The following SAMD12 variants were observed in gnomAD, a reference collection of about 807,000 sequenced individuals.
SAMD12 encodes sterile alpha motif domain-containing protein 12.
A neutral mutation model predicts 15.0 loss-of-function variants in SAMD12; 9 were observed. The observed-to-expected ratio is 0.60, with a 90% CI of 0.36 to 1.05. The LOEUF is 1.05. Among genes scored for constraint, SAMD12 ranks in the 50% least tolerant of loss-of-function variants. The pLI, the probability that SAMD12 is intolerant of heterozygous loss-of-function variation, is 0.01. For missense variants in SAMD12, 230 were observed against 234.2 expected (o/e 0.98, Z 0.12); for synonymous variants, 86 against 90.1 (o/e 0.96, Z 0.25).
At chr8:118,367,199 T>C (rs1036901247) in intron 4 of SAMD12, among the ~76,000 whole-genome samples, 1 of 152,088 alleles carries the variant, frequency 6.6e-6, no homozygotes, top group African/African-American at 2.4e-5. Context: ...AATTAGTTAA[T>C]ATGCAATATT....
intron 4 of SAMD12, among the ~76,000 whole-genome samples, chr8:118,200,784 G>A (rs1819693747): frequency 6.6e-6 from 1 of 152,196 alleles, no homozygotes; most frequent in Non-Finnish European, 1.5e-5. Flanking sequence ...TAAGACACGT[G>A]GTGAAAGTAG....
At chr8:118,619,442 G>A (rs1215636169) in intron 1 of SAMD12, among the ~76,000 whole-genome samples, 4 of 137,640 alleles carry the variant, frequency 2.9e-5, no homozygotes, top group Non-Finnish European at 6.1e-5. Flanking sequence ...CCGCGCCACT[G>A]TACTCTAGCC....
intron 4 of SAMD12, among the ~76,000 whole-genome samples, chr8:118,350,069 A>G (rs1390768229): frequency 6.6e-6 from 1 of 152,146 alleles, no homozygotes; most frequent in Non-Finnish European, 1.5e-5. Context: ...TCAAGGCTGC[A>G]AGTGAGCTGT....
intron 3 of SAMD12, among the ~76,000 whole-genome samples, chr8:118,401,122 T>C (rs1395681501): frequency 1.3e-5 from 2 of 152,190 alleles, no homozygotes; most frequent in African/African-American, 2.4e-5. Flanking sequence ...TTGGTTTGGG[T>C]TGTATTTTCC....
exon 5 of SAMD12, chr8:118,193,711 T>C (rs1819473770): frequency 1.3e-5 from 2 of 152,164 alleles, no homozygotes; most frequent in South Asian, 4.1e-4. Context: ...TGTTGAGTTC[T>C]TTATAGAATT....
intron 2 of SAMD12, among the ~76,000 whole-genome samples, chr8:118,462,884 C>T (rs1364128750): frequency 2.6e-5 from 4 of 151,892 alleles, no homozygotes; most frequent in Non-Finnish European, 4.4e-5. Context: ...GGGCGGATCA[C>T]GAGGTCAGGA....
Position 118,323,383 on chromosome 8 carries a change from A to C in SAMD12, c.433+56177T>G, listed in dbSNP as rs74577819. 6.8e-3 allele frequency among the ~76,000 whole-genome samples: 1,040 copies of C among 152,174 alleles called. 23 individuals are homozygous for C. Among genetic ancestry groups the C allele is most frequent in the East Asian group, 0.042 (215 of 5,178 alleles). On this transcript the variant is annotated intron_variant, in intron 4 of 4. Coordinates refer to the SAMD12 transcript ENST00000409003. ...TCATATTATTAATACAGAGAAAACA[A>C]ATGTCTAGTAGAATGTCTGACATAG... is the stretch of plus-strand genomic sequence containing the variant.
chr8:118,425,105 A>AT (rs1413799209), intron 3 of SAMD12, among the ~76,000 whole-genome samples: 1 of 151,958 alleles, frequency 6.6e-6, no homozygotes, highest in Non-Finnish European at 1.5e-5. Flanking sequence ...CGCCCAGCTA[A>AT]TTTTTTGTGT....
At chr8:118,175,592 C>T in the SAMD12 span, among the ~76,000 whole-genome samples, 2 of 152,162 alleles carry the variant, frequency 1.3e-5, no homozygotes, top group Non-Finnish European at 2.9e-5. Context: ...ACAAACTATG[C>T]ATCCAGCAAA....
intron 4 of SAMD12, among the ~76,000 whole-genome samples, chr8:118,300,060 T>C (rs1814936281): frequency 6.6e-6 from 1 of 152,118 alleles, no homozygotes; most frequent in African/African-American, 2.4e-5. Flanking sequence ...ATAATAACTG[T>C]ACATATTTAT....
At chr8:118,204,129 T>C (rs1295832430) in intron 4 of SAMD12, among the ~76,000 whole-genome samples, 1 of 152,136 alleles carries the variant, frequency 6.6e-6, no homozygotes, top group Non-Finnish European at 1.5e-5. Context: ...TATTAAATCA[T>C]TTCTAACTTT....
intron 4 of SAMD12, among the ~76,000 whole-genome samples, chr8:118,225,895 T>G (rs952038529): frequency 1.3e-5 from 2 of 152,122 alleles, no homozygotes; most frequent in South Asian, 4.1e-4. Flanking sequence ...TGGCTAAGGA[T>G]GCAGTGAATT....
intron 4 of SAMD12, among the ~76,000 whole-genome samples, chr8:118,337,490 G>A (rs955031507): frequency 2.6e-4 from 39 of 152,090 alleles, no homozygotes; most frequent in Admixed American, 6.5e-4. Flanking sequence ...GCTTTCTGCC[G>A]TTTTAGTTAC....
At chr8:118,582,666 T>C (rs1827325895) in intron 1 of SAMD12, among the ~76,000 whole-genome samples, 1 of 152,108 alleles carries the variant, frequency 6.6e-6, no homozygotes, top group South Asian at 2.1e-4. Context: ...ATTTCACAGA[T>C]AAGGAAAATG....
intron 3 of SAMD12, among the ~76,000 whole-genome samples, chr8:118,383,555 A>C (rs1236705634): frequency 6.6e-6 from 1 of 152,186 alleles, no homozygotes; most frequent in African/African-American, 2.4e-5. Flanking sequence ...GCTTCTGCTC[A>C]CAGGAGTCTC....
chr8:118,423,149 C>T (rs923468814), intron 3 of SAMD12, among the ~76,000 whole-genome samples: 14 of 152,260 alleles, frequency 9.2e-5, no homozygotes, highest in East Asian at 7.7e-4. Flanking sequence ...TCACATGTCA[C>T]GTCTCATTAA....
At chr8:118,362,033 A>C (rs1460179389) in intron 4 of SAMD12, among the ~76,000 whole-genome samples, 1 of 152,066 alleles carries the variant, frequency 6.6e-6, no homozygotes, top group Non-Finnish European at 1.5e-5. Flanking sequence ...GTTCTTAATA[A>C]ATTTCTAATA....
the SAMD12 span, among the ~76,000 whole-genome samples, chr8:118,178,952 G>T: frequency 6.6e-6 from 1 of 152,124 alleles, no homozygotes; most frequent in African/African-American, 2.4e-5. Flanking sequence ...AGTAGCCTTG[G>T]ATGCTCAGAA....
At chr8:118,449,798 C>CAAAAAAAAAAA (rs35279962) in intron 2 of SAMD12, among the ~76,000 whole-genome samples, 1 of 72,450 alleles carries the variant, frequency 1.4e-5, no homozygotes, top group African/African-American at 5.8e-5. Flanking sequence ...GAGACTGTCT[C>CAAAAAAAAAAA]AAAAAAAAAA....
Sources: allele counts gnomAD v4.1 joint callset (sites outside exome capture counted in the v4.1 genomes callset), GRCh38; gene constraint gnomAD v4.1.1; transcripts MANE v1.5; gene names NCBI Gene and HGNC (gene_info 2026-07-23, HGNC 2026-07-21).